Variants in SKI observed in about 807,000 individuals in gnomAD.
SKI encodes the protein SKI proto-oncogene, also known as ski oncogene.
A neutral mutation model predicts 59.3 loss-of-function variants in SKI; 23 were observed. That is an observed-to-expected ratio of 0.39 (90% CI 0.28 to 0.55). SKI has a LOEUF of 0.55. SKI is among the 20% of genes least tolerant of loss of function. SKI has a pLI of 0.67. For missense variants in SKI, 1,017 were observed against 1,038.9 expected, an observed-to-expected ratio of 0.98 and a Z score of 0.29; for synonymous variants, 673 against 488.6, an observed-to-expected ratio of 1.38 and a Z score of -4.98.
chr1:2,247,349 A>G (rs537872709), intron 1 of SKI, among the ~76,000 whole-genome samples: 39 of 152,350 alleles, frequency 2.6e-4, no homozygotes, highest in South Asian at 6.2e-4. Flanking sequence ...GGGCAGCGAG[A>G]GGACCCCAGA....
At position 2,270,540 on chromosome 1, in the gene SKI, G is replaced by A. The variant is rs981503191; in HGVS notation, c.970-32438G>A. Reference sequence around the variant, plus strand: ...ATCTGGCGATTGTAAAACGGGCAGTGTGCAGTGTTGAGGGGGCGCTGGGGA... The same window carrying A: ...ATCTGGCGATTGTAAAACGGGCAGTATGCAGTGTTGAGGGGGCGCTGGGGA... On this transcript the variant is annotated intron_variant, in intron 1 of 6. Coordinates refer to ENST00000378536, the MANE Select transcript of SKI (RefSeq NM_003036.4). This position sits in a 1 kb window ranked among gnomAD's most constrained non-coding sequence, Gnocchi z 4.1. Among the ~76,000 whole-genome samples the A allele has an allele frequency of 4.6e-5, 7 of 152,218 alleles. No individual in the cohort carries two copies. Among genetic ancestry groups the A allele is most frequent in the Admixed American group, 2.6e-4 (4 of 15,290 alleles).
chr1:2,282,966 C>T (rs915459114), intron 1 of SKI, among the ~76,000 whole-genome samples: 15 of 152,186 alleles, frequency 9.9e-5, no homozygotes, highest in African/African-American at 3.6e-4. Context: ...TGCACCTGGC[C>T]CGCTTCCCTT....
At chr1:2,230,172 G>T (rs745633763) in intron 1 of SKI, among the ~76,000 whole-genome samples, 1 of 152,232 alleles carries the variant, frequency 6.6e-6, no homozygotes, top group Non-Finnish European at 1.5e-5. Context: ...TCCTCGCCCC[G>T]AAGGCACCCA....
intron 1 of SKI, among the ~76,000 whole-genome samples, chr1:2,294,020 G>T (rs1042355716): frequency 1.3e-5 from 2 of 152,208 alleles, no homozygotes; most frequent in African/African-American, 4.8e-5. Context: ...TGTTTTCTGA[G>T]GTGCACAGAA....
At chr1:2,305,941 G>T in intron 5 of SKI, 79 bp from the exon 6 acceptor site, 1 of 1,104,938 alleles carries the variant, frequency 9.1e-7, no homozygotes. Flanking sequence ...CCCACGGGGT[G>T]GGCTGAGGAC....
Position 2,290,955 on chromosome 1 carries a change from C to G in SKI, c.970-12023C>G, listed in dbSNP as rs554573775. Among the ~76,000 whole-genome samples the G allele has an allele frequency of 6.6e-5, 10 of 152,358 alleles. 1 individual carries two copies. The East Asian group carries it at 1.9e-3, about 29-fold the overall frequency. The stretch of plus-strand genomic sequence containing the variant: ...TTTCCTCTCATTCTGGATGGAAAGG[C>G]CTGTTTGTCTCCCTCAATCTTTGGC... On this transcript the variant is annotated intron_variant, in intron 1 of 6. Transcript: ENST00000378536.
rs1295247436 is a variant in SKI, at chr1:2,269,442, G to A, written c.970-33536G>A. Among the ~76,000 whole-genome samples, 1 of 152,378 alleles carries A rather than the reference G, an allele frequency of 6.6e-6. No homozygotes were observed. The highest frequency in any genetic ancestry group is 1.9e-4 in the East Asian group (1 of 5,188). On this transcript the variant is annotated intron_variant, in intron 1 of 6. Transcript: ENST00000378536. This position sits in a 1 kb window ranked among gnomAD's most constrained non-coding sequence, Gnocchi z 4.7. ...AGGCCAAGCGGACACTGCGGGACAC[G>A]TTCCCCAACGTGGGATGTCCGTCCT... is the stretch of plus-strand genomic sequence containing the variant.
At position 2,299,327 on chromosome 1, in the gene SKI, G is replaced by C. The variant is rs12562488; in HGVS notation, c.970-3651G>C. Among the ~76,000 whole-genome samples the C allele has an allele frequency of 7.5e-4, 114 of 152,264 alleles. 1 individual carries two copies. The East Asian group carries it at 0.02, about 27-fold the overall frequency. On this transcript the variant is annotated intron_variant, in intron 1 of 6. Transcript: ENST00000378536. ...TCCTCACGGACTCTGGAAGTGAGAG[G>C]CGCTGAGGCCACAGTGGGGGAAGTG...
chr1:2,269,175 G>A lies in SKI; in HGVS notation c.970-33803G>A, dbSNP rs1639563552. Reference sequence around the variant, plus strand: ...TTGTCCAGGCTGGTCTAGAACTCCTGGGCTCAAGCGATCCTCCTGCTTCAG... The same window carrying A: ...TTGTCCAGGCTGGTCTAGAACTCCTAGGCTCAAGCGATCCTCCTGCTTCAG... On this transcript the variant is annotated intron_variant, in intron 1 of 6. Transcript: ENST00000378536. The surrounding 1 kb of genome is among the most constrained non-coding windows in gnomAD (Gnocchi z 4.7). 6.6e-6 allele frequency among the ~76,000 whole-genome samples: 1 copy of A among 152,134 alleles called. No individual in the cohort carries two copies. Among genetic ancestry groups the A allele is most frequent in the South Asian group, 2.1e-4 (1 of 4,820 alleles).
chr1:2,304,638 C>A, intron 5 of SKI, 53 bp downstream of exon 5: 1 of 1,504,736 alleles, frequency 6.6e-7, no homozygotes, highest in Non-Finnish European at 8.9e-7. Context: ...GTGAGCACAG[C>A]CTGCACCAGG....
chr1:2,277,620 G>A (rs560117948), intron 1 of SKI, among the ~76,000 whole-genome samples: 60 of 152,092 alleles, frequency 3.9e-4, no homozygotes, highest in Admixed American at 3.1e-3. Context: ...CTTCAGCAGC[G>A]TGAAAATGGA....
intron 1 of SKI, among the ~76,000 whole-genome samples, chr1:2,300,668 C>A (rs1043335244): frequency 6.6e-6 from 1 of 152,222 alleles, no homozygotes. Context: ...CGTTTCTCTC[C>A]GTTTCTCTGA....
In SKI at chr1:2,278,864, G is replaced by C. The variant is rs1470370723; in HGVS notation, c.970-24114G>C. Among the ~76,000 whole-genome samples, 12 of 152,314 alleles carry C rather than the reference G, an allele frequency of 7.9e-5. No homozygotes were observed. The East Asian group carries it at 2.1e-3, about 27-fold the overall frequency. Reference sequence around the variant, plus strand: ...CTGCCCTGTGAGCCAGGTGGTGGTGGGGGGTGTTGGGGCTAAGGTTTGGTT... The same window carrying C: ...CTGCCCTGTGAGCCAGGTGGTGGTGCGGGGTGTTGGGGCTAAGGTTTGGTT... On this transcript the variant is annotated intron_variant, in intron 1 of 6. Coordinates refer to ENST00000378536, the MANE Select transcript of SKI (RefSeq NM_003036.4).
Position 2,308,049 on chromosome 1 carries a change from C to T in SKI, c.*1284C>T, listed in dbSNP as rs945480973. 1 of 152,402 alleles carries T rather than the reference C, an allele frequency of 6.6e-6. No homozygotes were observed. The highest frequency in any genetic ancestry group is 2.4e-5 in the African/African-American group (1 of 41,458). 9.4% of individuals were successfully genotyped at this position (152,402 alleles called of 1,614,324 possible). On this transcript the variant is annotated 3_prime_UTR_variant, in exon 7 of 7. Coordinates refer to ENST00000378536, the MANE Select transcript of SKI (RefSeq NM_003036.4). ...TTTATTCCAAATAATCTCGTTTACT[C>T]TCACCTGTTTATGCAAATTGTATAA...
intron 1 of SKI, among the ~76,000 whole-genome samples, chr1:2,257,508 G>GCCT (rs1639298951): frequency 6.6e-6 from 1 of 152,234 alleles, no homozygotes; most frequent in Admixed American, 6.5e-5. Flanking sequence ...GCCCCCAGCC[G>GCCT]CCTCCTCCCA....
chr1:2,282,866 C>T (rs958529798), intron 1 of SKI, among the ~76,000 whole-genome samples: 8 of 152,228 alleles, frequency 5.3e-5, no homozygotes, highest in African/African-American at 1.9e-4. Flanking sequence ...CGACCTGTCA[C>T]CCCGGTGTGG....
intron 1 of SKI, among the ~76,000 whole-genome samples, chr1:2,262,942 C>G (rs1018721308): frequency 1.3e-5 from 2 of 152,142 alleles, no homozygotes; most frequent in Non-Finnish European, 2.9e-5. Context: ...GCTCTGCACC[C>G]AGGCTGGAGT....
chr1:2,288,499 G>C (rs944161108), intron 1 of SKI, among the ~76,000 whole-genome samples: 1 of 152,234 alleles, frequency 6.6e-6, no homozygotes, highest in Non-Finnish European at 1.5e-5. Flanking sequence ...AACACGATTG[G>C]TTGTCGTCGT....
At position 2,279,554 on chromosome 1, in the gene SKI, C is replaced by G. The variant is rs937031324; in HGVS notation, c.970-23424C>G. Among the ~76,000 whole-genome samples, 6 of 151,972 alleles carry G rather than the reference C, an allele frequency of 3.9e-5. 1 individual carries two copies. Among genetic ancestry groups the G allele is most frequent in the African/African-American group, 1.4e-4 (6 of 41,390 alleles). On this transcript the variant is annotated intron_variant, in intron 1 of 6. Coordinates refer to ENST00000378536, the MANE Select transcript of SKI (RefSeq NM_003036.4). ...GGACACAGGAAATGCCTCCCCTCCT[C>G]TGACAACAGCTCCAGCTGCAGGGGG...
Sources: gnomAD v4.1 joint callset for allele counts (sites outside exome capture counted in the v4.1 genomes callset) on GRCh38, gnomAD v4.1.1 for gene constraint, Gnocchi (gnomAD v3.1) non-coding constraint, MANE v1.5 for transcripts, NCBI Gene and HGNC (gene_info 2026-07-23, HGNC 2026-07-21) for gene names.